The following MCTP1 variants were observed in gnomAD, a reference collection of about 807,000 sequenced individuals.
MCTP1 encodes the protein multiple C2 and transmembrane domain containing 1.
A neutral mutation model predicts 120.6 loss-of-function variants in MCTP1; 69 were observed. That is an observed-to-expected ratio of 0.57 (90% CI 0.47 to 0.70). The LOEUF (loss-of-function observed/expected upper bound fraction) is 0.70. Ranked by LOEUF, MCTP1 falls within the 30% of genes least tolerant of loss-of-function variation. The pLI is 0.00. For missense variants in MCTP1, 1,203 were observed against 1,248.8 expected (o/e 0.96, Z 0.55); for synonymous variants, 529 against 493.1 (o/e 1.07, Z -0.96).
At chr5:94,907,810 G>A (rs1807325893) in intron 10 of MCTP1, among the ~76,000 whole-genome samples, 1 of 151,714 alleles carries the variant, frequency 6.6e-6, no homozygotes, top group Non-Finnish European at 1.5e-5. Context: ...AGAGAAGAAG[G>A]GATATGAAGG....
intron 19 of MCTP1, among the ~76,000 whole-genome samples, chr5:94,728,387 A>T (rs1762512407): frequency 6.6e-6 from 1 of 152,248 alleles, no homozygotes; most frequent in African/African-American, 2.4e-5. Context: ...TAGCATTAAT[A>T]AAACAAGTTC....
chr5:94,933,142 A>G (rs1281596188), intron 5 of MCTP1, among the ~76,000 whole-genome samples: 1 of 151,944 alleles, frequency 6.6e-6, no homozygotes, highest in East Asian at 1.9e-4. Flanking sequence ...CAAAACATAA[A>G]AGAATAATAG....
intron 1 of MCTP1, among the ~76,000 whole-genome samples, chr5:95,155,888 C>T (rs1394827199): frequency 6.6e-6 from 1 of 152,214 alleles, no homozygotes; most frequent in Non-Finnish European, 1.5e-5. Context: ...GTTGGTCACT[C>T]ATTTGATTCC....
At chr5:94,755,457 T>C (rs1277276747) in intron 19 of MCTP1, among the ~76,000 whole-genome samples, 3 of 152,174 alleles carry the variant, frequency 2.0e-5, no homozygotes, top group Admixed American at 1.3e-4. Flanking sequence ...AAACCAGAGT[T>C]CACACCAGCT....
intron 19 of MCTP1, among the ~76,000 whole-genome samples, chr5:94,763,726 A>G (rs1424753399): frequency 1.3e-5 from 2 of 152,186 alleles, no homozygotes; most frequent in Admixed American, 6.5e-5. Flanking sequence ...TCATTTTTCA[A>G]TGAGAAAGAC....
chr5:95,168,466 A>T (rs1174603807), intron 1 of MCTP1, among the ~76,000 whole-genome samples: 1 of 152,186 alleles, frequency 6.6e-6, no homozygotes, highest in African/African-American at 2.4e-5. Flanking sequence ...GATGGCATTG[A>T]ATCTATAAAT....
At chr5:94,834,473 G>A (rs993160290) in intron 17 of MCTP1, among the ~76,000 whole-genome samples, 9 of 152,142 alleles carry the variant, frequency 5.9e-5, no homozygotes, top group African/African-American at 1.7e-4. Context: ...CTACAACTGC[G>A]TTTTATCACT....
intron 2 of MCTP1, among the ~76,000 whole-genome samples, chr5:95,016,123 T>C (rs1023521363): frequency 6.6e-6 from 1 of 152,120 alleles, no homozygotes; most frequent in Non-Finnish European, 1.5e-5. Flanking sequence ...ACGTCTCCTA[T>C]CTTTTTAAAT....
chr5:94,829,132 G>T (rs912206075), intron 17 of MCTP1, among the ~76,000 whole-genome samples: 1 of 152,218 alleles, frequency 6.6e-6, no homozygotes, highest in Non-Finnish European at 1.5e-5. Flanking sequence ...TCTGTGGGTT[G>T]TGAAGACCAC....
rs562636788 is a variant in MCTP1 at position 95,028,933 on chromosome 5, G to A, written c.721-11449C>T. Among the ~76,000 whole-genome samples the A allele has an allele frequency of 6.6e-5, 10 of 152,224 alleles. No individual in the cohort carries two copies. The South Asian group carries it at 1.0e-3, about 16-fold the overall frequency. On this transcript the variant is annotated intron_variant, in intron 1 of 22. Transcript: ENST00000515393. ...TCCCAGCACTTTGGGAGACCAAGGC[G>A]GGCGATCGTGAGGTCAGGAGTTCGA...
chr5:95,229,773 A>T (rs1272019541), intron 1 of MCTP1, among the ~76,000 whole-genome samples: 1 of 151,974 alleles, frequency 6.6e-6, no homozygotes. Context: ...ACACAGTAAG[A>T]GGGAGATGAC....
At chr5:94,958,151 C>T (rs1036305325) in intron 2 of MCTP1, among the ~76,000 whole-genome samples, 1 of 152,160 alleles carries the variant, frequency 6.6e-6, no homozygotes, top group African/African-American at 2.4e-5. Flanking sequence ...AACTGAACAA[C>T]CTGCTCCTGA....
intron 8 of MCTP1, among the ~76,000 whole-genome samples, chr5:94,913,194 T>C (rs1809221134): frequency 6.6e-6 from 1 of 152,086 alleles, no homozygotes. Context: ...AAGAGTTGAG[T>C]GTTCAAAATA....
At chr5:95,187,028 G>C (rs1749282141) in intron 1 of MCTP1, among the ~76,000 whole-genome samples, 2 of 152,202 alleles carry the variant, frequency 1.3e-5, no homozygotes, top group Admixed American at 6.5e-5. Context: ...AACTACTATG[G>C]AATACAGTTT....
intron 1 of MCTP1, among the ~76,000 whole-genome samples, chr5:95,113,110 T>C (rs1333997826): frequency 6.6e-6 from 1 of 152,180 alleles, no homozygotes; most frequent in African/African-American, 2.4e-5. Flanking sequence ...CTGTGTCATT[T>C]AGTACCTTTT....
chr5:95,284,600 C>CCCT lies in MCTP1; in HGVS notation c.-28_-26dup, dbSNP rs61185942. 1.5e-4 allele frequency: 202 copies of CCCT among 1,372,360 alleles called. No homozygotes were observed. The highest frequency in any genetic ancestry group is 4.0e-4 in the South Asian group (25 of 62,652). The allele number at this position is 1,372,360 out of a possible 1,614,324, so 85.0% of individuals were successfully genotyped here. A position where few individuals can be genotyped will look rare whatever the true frequency, so the allele number is the denominator to read the frequency against. ...TCCTCCACCCCCTGCTCCTCCTCTC[C>CCCT]CCTCCTCCTCCTCCTCCTCCTCCTG... On this transcript the variant is annotated 5_prime_UTR_variant, in exon 1 of 23. Coordinates refer to ENST00000515393, the MANE Select transcript of MCTP1 (RefSeq NM_024717.7). This position sits in a 1 kb window ranked among gnomAD's most constrained non-coding sequence, Gnocchi z 5.2.
chr5:94,775,812 A>G (rs893195258), intron 19 of MCTP1, among the ~76,000 whole-genome samples: 8 of 151,880 alleles, frequency 5.3e-5, no homozygotes, highest in Non-Finnish European at 1.5e-5. Context: ...CTAATTTTAG[A>G]TTTAAACAAA....
chr5:95,161,526 C>T (rs1053856689), intron 1 of MCTP1, among the ~76,000 whole-genome samples: 4 of 151,902 alleles, frequency 2.6e-5, no homozygotes, highest in Non-Finnish European at 5.9e-5. Context: ...ATCTAATGCA[C>T]AAAATGGTGA....
chr5:94,710,169 GAAA>G (rs900042034), intron 21 of MCTP1: 8 of 151,914 alleles, frequency 5.3e-5, no homozygotes, highest in Admixed American at 1.3e-4. Flanking sequence ...AGGAAAGAAA[GAAA>G]AAAAGAAGAA....
Sources: allele counts gnomAD v4.1 joint callset (sites outside exome capture counted in the v4.1 genomes callset), GRCh38; gene constraint gnomAD v4.1.1; non-coding constraint Gnocchi (gnomAD v3.1); transcripts MANE v1.5; gene names NCBI Gene and HGNC (gene_info 2026-07-23, HGNC 2026-07-21).